The following GLB1 variants were observed in gnomAD, a reference collection of about 807,000 sequenced individuals.
The protein encoded by GLB1 is beta-galactosidase.
GLB1 carries 56 observed loss-of-function variants against 74.0 expected under a neutral mutation model. That is an observed-to-expected ratio of 0.76 (90% CI 0.61 to 0.94). The LOEUF is 0.94. Among genes scored for constraint, GLB1 ranks in the 40% least tolerant of loss-of-function variants. GLB1 has a pLI of 0.00. For synonymous variants in GLB1, 323 were observed against 323.6 expected (o/e 1.00, Z 0.02); for missense variants, 787 against 845.5 (o/e 0.93, Z 0.86).
chr3:33,059,169 G>A (rs922315124), intron 5 of GLB1, among the ~76,000 whole-genome samples: 10 of 151,934 alleles, frequency 6.6e-5, no homozygotes, highest in African/African-American at 1.5e-4. Flanking sequence ...TCCCAGTGAG[G>A]TGGGTAGCAT....
chr3:33,014,489 C>A (rs1697162633), intron 14 of GLB1, among the ~76,000 whole-genome samples, 179 bp from the exon 15 acceptor site: 1 of 152,176 alleles, frequency 6.6e-6, no homozygotes, highest in East Asian at 1.9e-4. Context: ...AATTACAAAT[C>A]CTTGGGAAGA....
chr3:33,067,873 G>A (rs553275781), intron 4 of GLB1, among the ~76,000 whole-genome samples: 1 of 152,140 alleles, frequency 6.6e-6, no homozygotes, highest in South Asian at 2.1e-4. Flanking sequence ...GATATAAATT[G>A]TTGAAGCTTT....
rs373722571 is a variant in GLB1, at chr3:33,093,393, T to C, written c.75+3618A>G. The C allele has an allele frequency of 6.2e-7, 1 of 1,613,788 alleles. No homozygotes were observed. Among genetic ancestry groups the C allele is most frequent in the African/African-American group, 1.3e-5 (1 of 74,912 alleles). ...GCCTGTGACGAAGTAGGCACCGAGA[T>C]GTGAATGAAGCTGGCCCAGAGGAGC... On this transcript the variant is annotated intron_variant, in intron 1 of 15. Transcript: ENST00000307363. The surrounding 1 kb of genome is among the most constrained non-coding windows in gnomAD (Gnocchi z 6.0).
intron 10 of GLB1, among the ~76,000 whole-genome samples, chr3:33,043,771 G>GAAAGATACCTCAGAAGAATACCAAGCA: frequency 1.2e-5 from 1 of 82,304 alleles, no homozygotes; most frequent in East Asian, 3.0e-4. Context: ...ACAGCATTGG[G>GAAAGATACCTCAGAAGAATACCAAGCA]AAAGATACCT....
chr3:33,094,102 C>T, intron 1 of GLB1: 1 of 1,614,242 alleles, frequency 6.2e-7, no homozygotes, highest in Non-Finnish European at 8.5e-7. Context: ...AGGCTCTCTG[C>T]CAGATACGAG....
chr3:32,997,425 G>C, intron 15 of GLB1, 81 bp from the exon 16 acceptor site: 1 of 1,586,416 alleles, frequency 6.3e-7, no homozygotes, highest in Non-Finnish European at 8.6e-7. Flanking sequence ...ATGTAGGGCA[G>C]GCCAGCAGCA....
intron 10 of GLB1, among the ~76,000 whole-genome samples, chr3:33,043,815 T>TACCAA (rs1698625507): frequency 3.6e-5 from 1 of 27,908 alleles, no homozygotes; most frequent in Non-Finnish European, 8.7e-5. Flanking sequence ...TGCAGGTAAA[T>TACCAA]GGTGTTAATG....
chr3:33,089,257 A>C (rs1488973411), intron 1 of GLB1, among the ~76,000 whole-genome samples: 1 of 152,222 alleles, frequency 6.6e-6, no homozygotes, highest in Non-Finnish European at 1.5e-5. Flanking sequence ...CCAAAATAAA[A>C]GCAAAAATAG....
intron 6 of GLB1, among the ~76,000 whole-genome samples, chr3:33,054,519 T>C (rs558553388): frequency 6.6e-6 from 1 of 152,306 alleles, no homozygotes; most frequent in Non-Finnish European, 1.5e-5. Flanking sequence ...TTGACCTGGA[T>C]GCACCCCACA....
chr3:33,024,845 CACAG>C (rs139270160), intron 10 of GLB1, among the ~76,000 whole-genome samples: 7,746 of 152,220 alleles, frequency 0.051, 222 homozygotes, highest in Admixed American at 0.064. Flanking sequence ...AAAACACACA[CACAG>C]ACAGAGAGAG....
chr3:33,043,802 G>GATACCTCAGAAAAA (rs1553609477), intron 10 of GLB1, among the ~76,000 whole-genome samples: 18 of 134,820 alleles, frequency 1.3e-4, no homozygotes, highest in East Asian at 2.2e-4. Context: ...CCAAGCAAAA[G>GATACCTCAGAAAAA]TATGCAGGTA....
intron 1 of GLB1, among the ~76,000 whole-genome samples, chr3:33,080,833 T>G (rs1014474670): frequency 6.6e-6 from 1 of 152,198 alleles, no homozygotes; most frequent in Non-Finnish European, 1.5e-5. Flanking sequence ...AAGTACGACC[T>G]TGATACCAGG....
At position 33,001,671 on chromosome 3, in the gene GLB1, C is replaced by T. The variant is rs148608173; in HGVS notation, c.1735-4327G>A. Among the ~76,000 whole-genome samples, 16 of 152,214 alleles carry T rather than the reference C, an allele frequency of 1.1e-4. No homozygotes were observed. The East Asian group carries it at 1.4e-3, about 13-fold the overall frequency. Reference sequence around the variant, plus strand: ...AAGTCTTTGTCCATTTTGTTTGAGGCGAGATTCTCCGCACGCAGGAGAGTG... The same window carrying T: ...AAGTCTTTGTCCATTTTGTTTGAGGTGAGATTCTCCGCACGCAGGAGAGTG... On this transcript the variant is annotated intron_variant, in intron 15 of 15. Coordinates refer to ENST00000307363, the MANE Select transcript of GLB1 (RefSeq NM_000404.4).
chr3:33,088,576 CCTAA>C (rs1475193117), intron 1 of GLB1, among the ~76,000 whole-genome samples: 5 of 151,784 alleles, frequency 3.3e-5, no homozygotes, highest in Non-Finnish European at 5.9e-5. Context: ...TAGAAATAGG[CCTAA>C]CTAAGGTGAA....
At chr3:33,058,321 C>A in intron 5 of GLB1, 52 bp from the exon 6 acceptor site, 1 of 1,608,940 alleles carries the variant, frequency 6.2e-7, no homozygotes, top group Non-Finnish European at 8.5e-7. Context: ...ATGTAGCCAC[C>A]CTAATGCAAG....
chr3:33,063,730 G>C (rs529996479), intron 5 of GLB1, among the ~76,000 whole-genome samples: 1 of 152,312 alleles, frequency 6.6e-6, no homozygotes, highest in African/African-American at 2.4e-5. Flanking sequence ...GCCATGCAGA[G>C]CAAAGACGCA....
At chr3:33,038,731 C>A (rs1369126367) in intron 10 of GLB1, among the ~76,000 whole-genome samples, 1 of 152,150 alleles carries the variant, frequency 6.6e-6, no homozygotes, top group Non-Finnish European at 1.5e-5. Context: ...ATACTTCAAG[C>A]TCTCAGTTGA....
At chr3:33,071,643 A>T (rs1204774195) in intron 2 of GLB1, among the ~76,000 whole-genome samples, 2 of 152,164 alleles carry the variant, frequency 1.3e-5, no homozygotes, top group Non-Finnish European at 2.9e-5. Context: ...GAACTAAAGG[A>T]GATCGGAAGG....
intron 15 of GLB1, among the ~76,000 whole-genome samples, chr3:33,006,717 G>A (rs1366005978): frequency 6.6e-6 from 1 of 152,182 alleles, no homozygotes; most frequent in African/African-American, 2.4e-5. Context: ...TAAAGCCAGT[G>A]TAAACAAAAG....
Sources: allele counts gnomAD v4.1 joint callset (sites outside exome capture counted in the v4.1 genomes callset), GRCh38; gene constraint gnomAD v4.1.1; non-coding constraint Gnocchi (gnomAD v3.1); transcripts MANE v1.5; gene names NCBI Gene and HGNC (gene_info 2026-07-23, HGNC 2026-07-21).